The following PCSK2 variants were observed in gnomAD, a reference collection of about 807,000 sequenced individuals.
PCSK2 encodes neuroendocrine convertase 2.
In PCSK2, 14 loss-of-function variants were observed where a neutral mutation model predicts 69.7. That is an observed-to-expected ratio of 0.20 (90% confidence interval 0.13 to 0.31). The LOEUF (loss-of-function observed/expected upper bound fraction) is 0.31. PCSK2 is among the 10% of genes least tolerant of loss of function. The probability of loss-of-function intolerance (pLI) is 1.00; values close to 1 mark genes in which losing one functional copy is unlikely to be tolerated. For missense variants in PCSK2, 544 were observed against 842.5 expected, an observed-to-expected ratio of 0.65 and a Z score of 4.39; for synonymous variants, 307 against 320.7, an observed-to-expected ratio of 0.96 and a Z score of 0.46.
chr20:17,480,184 C>CTTTTTTTTTTGTTTTTTTTTTTTTT (rs2033371052), intron 11 of PCSK2, among the ~76,000 whole-genome samples: 1 of 76,996 alleles, frequency 1.3e-5, no homozygotes, highest in Admixed American at 1.6e-4. Context: ...TTCAGCTTTT[C>CTTTTTTTTTTGTTTTTTTTTTTTTT]TTTTTTTTTT....
intron 5 of PCSK2, among the ~76,000 whole-genome samples, chr20:17,383,502 A>T (rs1290420752): frequency 6.6e-6 from 1 of 152,244 alleles, no homozygotes; most frequent in Non-Finnish European, 1.5e-5. Flanking sequence ...AGCAGGAATG[A>T]TTCCCTTGAT....
chr20:17,462,245 T>C (rs1283995298), intron 10 of PCSK2, among the ~76,000 whole-genome samples: 6 of 152,070 alleles, frequency 3.9e-5, no homozygotes, highest in Non-Finnish European at 2.9e-5. Context: ...GAGGAATCCA[T>C]GGAATCAAAA....
chr20:17,379,238 C>T (rs989207235), intron 5 of PCSK2, among the ~76,000 whole-genome samples: 1 of 152,218 alleles, frequency 6.6e-6, no homozygotes, highest in Non-Finnish European at 1.5e-5. Context: ...GCAAAATGGG[C>T]AGTCATCCAC....
intron 4 of PCSK2, among the ~76,000 whole-genome samples, chr20:17,362,561 G>A (rs1257822595): frequency 1.3e-5 from 2 of 152,112 alleles, no homozygotes; most frequent in African/African-American, 4.8e-5. Context: ...GGAGTCTGAG[G>A]ACCTCTCCTC....
chr20:17,339,489 A>G (rs1308462468), intron 2 of PCSK2, among the ~76,000 whole-genome samples: 2 of 150,034 alleles, frequency 1.3e-5, no homozygotes, highest in Admixed American at 6.8e-5. Flanking sequence ...CTTTACAATT[A>G]AAATGTTTTG....
intron 2 of PCSK2, among the ~76,000 whole-genome samples, chr20:17,307,462 T>C (rs1383311176): frequency 6.6e-6 from 1 of 151,706 alleles, no homozygotes; most frequent in Non-Finnish European, 1.5e-5. Flanking sequence ...GGCCAAAGGG[T>C]GGTGGTGGCA....
At chr20:17,367,902 G>A (rs1490312489) in intron 4 of PCSK2, among the ~76,000 whole-genome samples, 1 of 152,168 alleles carries the variant, frequency 6.6e-6, no homozygotes, top group Non-Finnish European at 1.5e-5. Context: ...ACTTCGGGAG[G>A]CAAGTGGGAG....
intron 5 of PCSK2, among the ~76,000 whole-genome samples, chr20:17,385,811 G>T (rs1302690337): frequency 1.3e-5 from 2 of 152,198 alleles, no homozygotes; most frequent in African/African-American, 4.8e-5. Flanking sequence ...CAGGAGCTCA[G>T]TTCTGCTAAG....
chr20:17,394,483 G>A (rs1254956876), intron 5 of PCSK2, among the ~76,000 whole-genome samples: 1 of 152,176 alleles, frequency 6.6e-6, no homozygotes, highest in Non-Finnish European at 1.5e-5. Context: ...ATGGAAAAGT[G>A]AGGGACATCT....
chr20:17,476,151 A>G (rs2033285108), intron 11 of PCSK2, among the ~76,000 whole-genome samples: 2 of 152,142 alleles, frequency 1.3e-5, no homozygotes, highest in Admixed American at 6.5e-5. Flanking sequence ...TGGCCAGAAA[A>G]CCTGCAAAAC....
chr20:17,466,210 C>T (rs555635506), intron 11 of PCSK2, among the ~76,000 whole-genome samples: 2 of 152,288 alleles, frequency 1.3e-5, no homozygotes, highest in South Asian at 4.1e-4. Flanking sequence ...CATTAACATC[C>T]CCATGCCAGC....
intron 8 of PCSK2, among the ~76,000 whole-genome samples, chr20:17,449,268 C>T (rs6131954): frequency 0.66 from 100,751 of 151,782 alleles, 33,791 homozygotes; most frequent in African/African-American, 0.75. Flanking sequence ...CAGCAGACAG[C>T]CCCACCCACA....
At chr20:17,432,683 C>A (rs193049691) in intron 7 of PCSK2, among the ~76,000 whole-genome samples, 1 of 152,272 alleles carries the variant, frequency 6.6e-6, no homozygotes, top group East Asian at 1.9e-4. Flanking sequence ...GTACCACAAA[C>A]AATGACCTTC....
chr20:17,461,958 CAAA>C (rs1358463080), intron 10 of PCSK2, among the ~76,000 whole-genome samples: 1 of 152,120 alleles, frequency 6.6e-6, no homozygotes, highest in Non-Finnish European at 1.5e-5. Context: ...AAACATTAAA[CAAA>C]AAGTCAGTCT....
rs565781697 is a variant in PCSK2, at chr20:17,371,582, G to A, written c.543+2305G>A. ...GTTATCTGTCAAAAAATATGAAAAA[G>A]CATAAAACAGATTCAAAACTAGCCA... is the stretch of plus-strand genomic sequence containing the variant. On this transcript the variant is annotated intron_variant, in intron 5 of 11. Transcript: ENST00000262545. Among the ~76,000 whole-genome samples the A allele has an allele frequency of 3.5e-3, 538 of 152,082 alleles. 4 individuals carry two copies. The highest frequency in any genetic ancestry group is 0.012 in the African/African-American group (504 of 41,484).
At chr20:17,353,426 C>T (rs1046246252) in intron 2 of PCSK2, among the ~76,000 whole-genome samples, 7 of 147,362 alleles carry the variant, frequency 4.8e-5, no homozygotes, top group African/African-American at 1.8e-4. Context: ...GATCATGCCA[C>T]TGCATTCCAG....
At chr20:17,256,220 A>G (rs1987170363) in intron 1 of PCSK2, among the ~76,000 whole-genome samples, 1 of 151,936 alleles carries the variant, frequency 6.6e-6, no homozygotes, top group Admixed American at 6.6e-5. Context: ...TCTTCTTATT[A>G]TTTTTATCTC....
At chr20:17,479,034 T>A (rs558917715) in intron 11 of PCSK2, 103 of 1,019,828 alleles carry the variant, frequency 1.0e-4, no homozygotes, top group Non-Finnish European at 1.2e-4. Flanking sequence ...TTTGAAAGGA[T>A]ACACTGACAA....
chr20:17,250,007 T>A (rs1436950946), intron 1 of PCSK2, among the ~76,000 whole-genome samples: 1 of 152,218 alleles, frequency 6.6e-6, no homozygotes, highest in Non-Finnish European at 1.5e-5. Context: ...TATATATATT[T>A]ATCACAATAA....
Sources: gnomAD v4.1 joint callset for allele counts (sites outside exome capture counted in the v4.1 genomes callset) on GRCh38, gnomAD v4.1.1 for gene constraint, MANE v1.5 for transcripts, NCBI Gene and HGNC (gene_info 2026-07-23, HGNC 2026-07-21) for gene names.